SYNDIG1L: variants seen among roughly 807,000 people sequenced by gnomAD.
SYNDIG1L encodes the protein synapse differentiation inducing 1 like, also known as synapse differentiation-inducing gene protein 1-like.
SYNDIG1L carries 13 observed loss-of-function variants against 20.1 expected under a neutral mutation model. The observed-to-expected ratio is 0.65, with a 90% CI of 0.42 to 1.03. The LOEUF (loss-of-function observed/expected upper bound fraction) is 1.03, where lower values mean the gene tolerates loss of function less well. Among genes scored for constraint, SYNDIG1L ranks in the 50% least tolerant of loss-of-function variants. The probability of loss-of-function intolerance (pLI) is 0.00; values close to 1 mark genes in which losing one functional copy is unlikely to be tolerated. For missense variants in SYNDIG1L, 294 were observed against 305.1 expected, an observed-to-expected ratio of 0.96 and a Z score of 0.27; for synonymous variants, 128 against 129.3, an observed-to-expected ratio of 0.99 and a Z score of 0.07.
At chr14:74,413,255 G>A (rs8017444) in intron 1 of SYNDIG1L, among the ~76,000 whole-genome samples, 69,509 of 151,938 alleles carry the variant, frequency 0.46, 16,149 homozygotes, top group Non-Finnish European at 0.5. Context: ...CCTCCCTTGG[G>A]CTCTGATGGT....
the SYNDIG1L span, among the ~76,000 whole-genome samples, chr14:74,431,957 A>G: frequency 1.3e-5 from 2 of 152,034 alleles, no homozygotes; most frequent in Non-Finnish European, 1.5e-5. Context: ...GGTTAAGGGA[A>G]CCCAAGAGTG....
upstream of SYNDIG1L, among the ~76,000 whole-genome samples, chr14:74,430,910 T>A (rs973952025): frequency 1.3e-5 from 2 of 152,208 alleles, no homozygotes; most frequent in Non-Finnish European, 2.9e-5. Flanking sequence ...ATTCCCAGTT[T>A]ACAGATGAGG....
At position 74,409,411 on chromosome 14, in the gene SYNDIG1L, C is replaced by T. The variant is rs1343535701; in HGVS notation, c.334G>A (p.Ala112Thr). The change falls in exon 2 of 4, where the codon GCA (alanine) becomes ACA (threonine). Residue 112 changes from alanine to threonine, a missense_variant. Transcript: ENST00000331628. ...ACAGTCTGGATGGTGACATTCTCTG[C>T]AGCTTGGCCAGGTCCTGTGGGCTGC... ...PEQPTGPGQAAENVTIQTVSY... is the reference protein window; with the variant it reads ...PEQPTGPGQATENVTIQTVSY... The T allele has an allele frequency of 6.2e-7, 1 of 1,613,514 alleles. No homozygotes were observed.
the SYNDIG1L span, among the ~76,000 whole-genome samples, chr14:74,477,091 A>C: frequency 4.4e-4 from 15 of 33,728 alleles, no homozygotes; most frequent in African/African-American, 6.6e-4. Flanking sequence ...CACACACACA[A>C]CCCTGTCTCC....
At chr14:74,429,303 A>G (rs1481763950), upstream of SYNDIG1L, among the ~76,000 whole-genome samples, 1 of 152,222 alleles carries the variant, frequency 6.6e-6, no homozygotes, top group African/African-American at 2.4e-5. Context: ...CTCCTCCCAC[A>G]TCTCTGACAT....
the SYNDIG1L span, among the ~76,000 whole-genome samples, chr14:74,441,326 T>C: frequency 6.6e-6 from 1 of 152,168 alleles, no homozygotes; most frequent in African/African-American, 2.4e-5. Context: ...TTTTGACAGA[T>C]TGAACTTTGT....
chr14:74,458,322 G>A, the SYNDIG1L span, among the ~76,000 whole-genome samples: 6 of 151,864 alleles, frequency 4.0e-5, no homozygotes, highest in African/African-American at 2.4e-5. Flanking sequence ...CAGGCTGGGT[G>A]CGGAGGCTCA....
intron 2 of SYNDIG1L, among the ~76,000 whole-genome samples, chr14:74,408,538 G>T (rs1005579134): frequency 4.0e-5 from 6 of 150,216 alleles, no homozygotes; most frequent in South Asian, 2.1e-4. Flanking sequence ...CACTCCAGCC[G>T]GGGCGACAGA....
the SYNDIG1L span, among the ~76,000 whole-genome samples, chr14:74,457,670 A>G: frequency 2.2e-4 from 33 of 151,934 alleles, no homozygotes; most frequent in Admixed American, 2.1e-3. Flanking sequence ...GGATTATCCT[A>G]TAGAAGGGGG....
At chr14:74,452,066 A>G in the SYNDIG1L span, among the ~76,000 whole-genome samples, 1 of 152,058 alleles carries the variant, frequency 6.6e-6, no homozygotes, top group Non-Finnish European at 1.5e-5. Flanking sequence ...TAAATGGGCA[A>G]AAGACTTTTA....
chr14:74,471,184 T>G, the SYNDIG1L span, among the ~76,000 whole-genome samples: 7 of 152,204 alleles, frequency 4.6e-5, no homozygotes, highest in South Asian at 2.1e-4. Flanking sequence ...GATTCCATCC[T>G]GGAGTAGTTT....
At chr14:74,432,180 T>TGTGTGTGTGTGTGTGAGA in the SYNDIG1L span, among the ~76,000 whole-genome samples, 6 of 124,158 alleles carry the variant, frequency 4.8e-5, no homozygotes, top group Non-Finnish European at 9.9e-5. Flanking sequence ...TGTGTGTGTG[T>TGTGTGTGTGTGTGTGAGA]GAGAGAGAGA....
chr14:74,447,542 G>A, the SYNDIG1L span, among the ~76,000 whole-genome samples: 1 of 149,180 alleles, frequency 6.7e-6, no homozygotes, highest in Non-Finnish European at 1.5e-5. Context: ...AGCCAAGATT[G>A]CACCACTTCA....
chr14:74,413,551 G>T (rs1003989941), intron 1 of SYNDIG1L, among the ~76,000 whole-genome samples: 4 of 151,198 alleles, frequency 2.6e-5, no homozygotes, highest in Non-Finnish European at 5.9e-5. Flanking sequence ...AGGGGTGGGA[G>T]CACAGGTGCT....
At chr14:74,417,248 C>T (rs1451508473) in intron 1 of SYNDIG1L, among the ~76,000 whole-genome samples, 1 of 152,136 alleles carries the variant, frequency 6.6e-6, no homozygotes, top group Non-Finnish European at 1.5e-5. Flanking sequence ...GATGGGAGAC[C>T]AGAGGTCCTG....
intron 1 of SYNDIG1L, among the ~76,000 whole-genome samples, chr14:74,424,467 A>T (rs2086249350): frequency 6.6e-6 from 1 of 151,940 alleles, no homozygotes; most frequent in Non-Finnish European, 1.5e-5. Context: ...GATGAAAACA[A>T]CACAATTCCT....
the SYNDIG1L span, among the ~76,000 whole-genome samples, chr14:74,437,908 A>G: frequency 1.3e-5 from 2 of 152,196 alleles, no homozygotes; most frequent in Non-Finnish European, 2.9e-5. Context: ...GTCTTTAGCC[A>G]CGTTCTTCTG....
At chr14:74,465,049 C>T in the SYNDIG1L span, among the ~76,000 whole-genome samples, 2 of 152,188 alleles carry the variant, frequency 1.3e-5, no homozygotes, top group Non-Finnish European at 1.5e-5. Context: ...GGCTCTCCAG[C>T]CTGCTCCTCC....
At chr14:74,454,711 G>C in the SYNDIG1L span, among the ~76,000 whole-genome samples, 1 of 152,174 alleles carries the variant, frequency 6.6e-6, no homozygotes, top group African/African-American at 2.4e-5. Context: ...TCTGCCTCAG[G>C]GTTATAGAAC....
Sources: gnomAD v4.1 joint callset for allele counts (sites outside exome capture counted in the v4.1 genomes callset) on GRCh38, gnomAD v4.1.1 for gene constraint, MANE v1.5 for transcripts, NCBI Gene and HGNC (gene_info 2026-07-23, HGNC 2026-07-21) for gene names.